The following DCP1B variants were observed in gnomAD, a reference collection of about 807,000 sequenced individuals.
DCP1B encodes the protein decapping mRNA 1B.
Under a neutral mutation model 60.5 loss-of-function variants are expected in DCP1B, and 47 were observed. The observed-to-expected ratio is 0.78, with a 90% CI of 0.61 to 0.99. The LOEUF (loss-of-function observed/expected upper bound fraction) is 0.99. DCP1B is among the 50% of genes least tolerant of loss of function. The pLI, the probability that DCP1B is intolerant of heterozygous loss-of-function variation, is 0.00. For synonymous variants in DCP1B, 267 were observed against 280.3 expected (o/e 0.95, Z 0.47); for missense variants, 725 against 756.8 (o/e 0.96, Z 0.49).
intron 8 of DCP1B, among the ~76,000 whole-genome samples, chr12:1,947,159 T>C (rs1041412899): frequency 6.6e-6 from 1 of 152,180 alleles, no homozygotes; most frequent in Non-Finnish European, 1.5e-5. Flanking sequence ...AGACTGGTAA[T>C]CTCTGGGCTC....
intron 5 of DCP1B, among the ~76,000 whole-genome samples, chr12:1,964,842 G>A (rs773705877): frequency 6.6e-6 from 1 of 152,176 alleles, no homozygotes; most frequent in Non-Finnish European, 1.5e-5. Flanking sequence ...TGACTTCAAT[G>A]TTTTAAAATC....
At chr12:1,945,308 G>T (rs2030381480), downstream of DCP1B, among the ~76,000 whole-genome samples, 2 of 152,312 alleles carry the variant, frequency 1.3e-5, no homozygotes, top group South Asian at 4.1e-4. Context: ...GGAGAAACAG[G>T]AACGCTTTTA....
intron 2 of DCP1B, among the ~76,000 whole-genome samples, chr12:1,994,169 T>G (rs1281720111): frequency 6.6e-6 from 1 of 152,198 alleles, no homozygotes; most frequent in Non-Finnish European, 1.5e-5. Context: ...TCATCTACCC[T>G]TGGGTGACAG....
chr12:1,991,877 T>C (rs1364365767), intron 3 of DCP1B: 1 of 162,880 alleles, frequency 6.1e-6, no homozygotes, highest in Non-Finnish European at 1.3e-5. Context: ...AGACCATGTA[T>C]TTATCCAAAA....
chr12:1,967,794 A>G (rs773770228), intron 4 of DCP1B, 50 bp downstream of exon 4: 87 of 1,519,180 alleles, frequency 5.7e-5, no homozygotes, highest in Non-Finnish European at 7.7e-5. Flanking sequence ...ACTTAGAAAT[A>G]CAAACAAAAG....
At chr12:1,986,591 G>C (rs911806834) in intron 3 of DCP1B, among the ~76,000 whole-genome samples, 2 of 152,084 alleles carry the variant, frequency 1.3e-5, no homozygotes, top group African/African-American at 2.4e-5. Flanking sequence ...TCACGGTAGG[G>C]GTAGAAGAGT....
At chr12:1,972,893 T>C (rs1390550393) in intron 3 of DCP1B, among the ~76,000 whole-genome samples, 1 of 152,090 alleles carries the variant, frequency 6.6e-6, no homozygotes, top group African/African-American at 2.4e-5. Flanking sequence ...AGCTTTCTGG[T>C]AGTGGCAGTG....
At chr12:1,988,401 A>G (rs1258417887) in intron 3 of DCP1B, among the ~76,000 whole-genome samples, 1 of 152,200 alleles carries the variant, frequency 6.6e-6, no homozygotes, top group Non-Finnish European at 1.5e-5. Flanking sequence ...TCACTGGCCA[A>G]AGCAATTAGT....
intron 3 of DCP1B, among the ~76,000 whole-genome samples, chr12:1,987,683 TCA>T (rs1362125590): frequency 2.6e-5 from 4 of 152,198 alleles, no homozygotes; most frequent in Non-Finnish European, 5.9e-5. Context: ...TGAAGAGGAT[TCA>T]GTTTTCTTAC....
At chr12:1,996,637 AAAAAAAAAAAAAAAAAAACAAC>A (rs1277926710) in intron 2 of DCP1B, among the ~76,000 whole-genome samples, 14 of 121,334 alleles carry the variant, frequency 1.2e-4, no homozygotes, top group South Asian at 2.7e-4. Context: ...AAAAAAAAAA[AAAAAAAAAAAAAAAAAAACAAC>A]AAACTCTTCT....
intron 5 of DCP1B, among the ~76,000 whole-genome samples, chr12:1,959,816 C>T (rs113479091): frequency 0.027 from 4,146 of 152,026 alleles, 95 homozygotes; most frequent in Middle Eastern, 0.054. Flanking sequence ...AAAAATTATC[C>T]GGGCATGGTG....
chr12:1,959,887 G>A (rs1416793948), intron 5 of DCP1B, among the ~76,000 whole-genome samples: 1 of 151,708 alleles, frequency 6.6e-6, no homozygotes, highest in East Asian at 1.9e-4. Context: ...GTGAACCCAG[G>A]AGGTAGAGCT....
At chr12:1,953,763 C>G (rs888421333) in intron 6 of DCP1B, among the ~76,000 whole-genome samples, 3 of 152,218 alleles carry the variant, frequency 2.0e-5, no homozygotes, top group Non-Finnish European at 4.4e-5. Flanking sequence ...CTAACTTGAT[C>G]CTTTCAAATA....
chr12:1,994,226 C>A (rs985320346), intron 2 of DCP1B, among the ~76,000 whole-genome samples: 1 of 152,120 alleles, frequency 6.6e-6, no homozygotes, highest in African/African-American at 2.4e-5. Context: ...AATGAAACAC[C>A]ACATACTTAC....
Position 1,962,037 on chromosome 12 carries a change from A to C in DCP1B, c.522+3521T>G, listed in dbSNP as rs1565766839. Among the ~76,000 whole-genome samples, 1 of 152,192 alleles carries C rather than the reference A, an allele frequency of 6.6e-6. No homozygotes were observed. The highest frequency in any genetic ancestry group is 1.5e-5 in the Non-Finnish European group (1 of 68,026). The stretch of plus-strand genomic sequence containing the variant: ...CACGCTGCACAGGGCCACGTGTGGA[A>C]GCCTCAGGGTGTCAGCAGCAAGGGG... On this transcript the variant is annotated intron_variant, in intron 5 of 8. Coordinates refer to ENST00000280665, the MANE Select transcript of DCP1B (RefSeq NM_152640.5). The surrounding 1 kb of genome is among the most constrained non-coding windows in gnomAD (Gnocchi z 4.4).
intron 3 of DCP1B, among the ~76,000 whole-genome samples, chr12:1,979,947 C>T (rs1565809943): frequency 1.3e-5 from 2 of 151,912 alleles, no homozygotes; most frequent in Admixed American, 1.3e-4. Flanking sequence ...TCAGAATTCC[C>T]AGAAAATTAA....
rs764705302 is a variant in DCP1B at position 1,984,778 on chromosome 12, T to TAAAAA, written c.319+8481_319+8485dup. 9.1e-4 allele frequency among the ~76,000 whole-genome samples: 74 copies of TAAAAA among 81,326 alleles called. 1 individual carries two copies. Among genetic ancestry groups the TAAAAA allele is most frequent in the African/African-American group, 3.0e-3 (61 of 20,334 alleles). 53.4% of individuals were successfully genotyped at this position (81,326 alleles called of 152,430 possible). On this transcript the variant is annotated intron_variant, in intron 3 of 8. Coordinates refer to ENST00000280665, the MANE Select transcript of DCP1B (RefSeq NM_152640.5). ...ATTTATTCTACAGTGGGTCTTCTGG[T>TAAAAA]AAAAAAAAAAAAAAAAAAAAAAAGG...
At chr12:2,000,676 T>A (rs977895023) in intron 1 of DCP1B, among the ~76,000 whole-genome samples, 1 of 152,196 alleles carries the variant, frequency 6.6e-6, no homozygotes, top group Non-Finnish European at 1.5e-5. Context: ...GGACCTGTAG[T>A]GGGGTTCTTG....
At position 1,993,407 on chromosome 12, in the gene DCP1B, A is replaced by T. The variant is rs1333733135; in HGVS notation, c.192-16T>A. On this transcript the variant is annotated splice_polypyrimidine_tract_variant and intron_variant, in intron 2 of 8. Coordinates refer to ENST00000280665, the MANE Select transcript of DCP1B (RefSeq NM_152640.5). ...AGAAGCAGACCTAAAAATCACAAGG[A>T]GTCAGGGGGAAATCAATAGACAAAT... 1 of 1,606,422 alleles carries T rather than the reference A, an allele frequency of 6.2e-7. No individual in the cohort carries two copies. The highest frequency in any genetic ancestry group is 1.7e-5 in the Admixed American group (1 of 59,164).
Sources: gnomAD v4.1 joint callset for allele counts (sites outside exome capture counted in the v4.1 genomes callset) on GRCh38, gnomAD v4.1.1 for gene constraint, Gnocchi (gnomAD v3.1) non-coding constraint, MANE v1.5 for transcripts, NCBI Gene and HGNC (gene_info 2026-07-23, HGNC 2026-07-21) for gene names.